Variants in CDK14 observed in about 807,000 individuals in gnomAD.
CDK14 encodes cyclin dependent kinase 14, also known as cyclin-dependent kinase 14.
Under a neutral mutation model 60.7 loss-of-function variants are expected in CDK14, and 34 were observed. The observed-to-expected ratio is 0.56, with a 90% CI of 0.43 to 0.75. The LOEUF is 0.75. Among genes scored for constraint, CDK14 ranks in the 30% least tolerant of loss-of-function variants. The pLI is 0.00. For missense variants in CDK14, 482 were observed against 564.1 expected (o/e 0.85, Z 1.47); for synonymous variants, 197 against 203.7 (o/e 0.97, Z 0.28).
intron 8 of CDK14, among the ~76,000 whole-genome samples, chr7:90,936,169 TA>T (rs375053254): frequency 3.3e-5 from 5 of 152,114 alleles, no homozygotes; most frequent in Non-Finnish European, 5.9e-5. Context: ...TTTTCTGTTT[TA>T]AAAAAAAGTT....
intron 9 of CDK14, chr7:90,979,864 T>C (rs1386162629): frequency 6.6e-6 from 1 of 152,214 alleles, no homozygotes; most frequent in Non-Finnish European, 1.5e-5. Context: ...TACTTTGTTT[T>C]CCTGAATGTC....
chr7:90,599,681 C>T (rs1196512367), intron 1 of CDK14, among the ~76,000 whole-genome samples: 2 of 152,160 alleles, frequency 1.3e-5, no homozygotes, highest in African/African-American at 2.4e-5. Flanking sequence ...ATGGTTTATT[C>T]TTGTTGAATA....
chr7:90,647,487 A>G (rs1800493761), intron 2 of CDK14, among the ~76,000 whole-genome samples: 1 of 145,382 alleles, frequency 6.9e-6, no homozygotes. Context: ...CTCTAAAGAG[A>G]CTGGTTAGTT....
chr7:91,180,401 C>T lies in CDK14; in HGVS notation c.*29-26764C>T, dbSNP rs148078979. On this transcript the variant is annotated intron_variant, in intron 14 of 14. Coordinates refer to ENST00000380050, the MANE Select transcript of CDK14 (RefSeq NM_001287135.2). ...ATGCTTAAATATGCTCTATGCCTATCATTAACTCAAAAAAGCAGGTTGCAA... is the reference window on the plus strand; with the variant it reads ...ATGCTTAAATATGCTCTATGCCTATTATTAACTCAAAAAAGCAGGTTGCAA... Among the ~76,000 whole-genome samples the T allele has an allele frequency of 5.0e-3, 757 of 152,270 alleles. 7 individuals are homozygous for T. Among genetic ancestry groups the T allele is most frequent in the Middle Eastern group, 0.017 (5 of 294 alleles).
chr7:91,123,708 C>CCTTCTCTG (rs963116945), intron 14 of CDK14, among the ~76,000 whole-genome samples: 1 of 152,006 alleles, frequency 6.6e-6, no homozygotes, highest in African/African-American at 2.4e-5. Context: ...CCTCCTTGTC[C>CCTTCTCTG]CTTCTCTGCC....
intron 2 of CDK14, among the ~76,000 whole-genome samples, chr7:90,690,006 A>G (rs1304766086): frequency 6.6e-6 from 1 of 152,132 alleles, no homozygotes. Flanking sequence ...AAGACTAACT[A>G]CTATATTGAT....
chr7:90,714,827 C>T (rs1050466614), intron 2 of CDK14, among the ~76,000 whole-genome samples: 47 of 152,098 alleles, frequency 3.1e-4, no homozygotes, highest in African/African-American at 1.1e-3. Context: ...ATTATCCAAG[C>T]ACTAATAATA....
intron 6 of CDK14, among the ~76,000 whole-genome samples, chr7:90,894,446 A>G (rs1171127867): frequency 6.6e-6 from 1 of 152,212 alleles, no homozygotes; most frequent in Non-Finnish European, 1.5e-5. Context: ...CATCTAAAAA[A>G]TAACCTAAAA....
intron 10 of CDK14, among the ~76,000 whole-genome samples, chr7:90,995,792 G>GAATGACTTAT (rs894983059): frequency 5.9e-5 from 9 of 151,974 alleles, no homozygotes; most frequent in Non-Finnish European, 1.0e-4. Context: ...GTATGTCTTA[G>GAATGACTTAT]AGTTATTTGT....
At chr7:90,700,328 G>T (rs1291453450) in intron 2 of CDK14, among the ~76,000 whole-genome samples, 1 of 152,162 alleles carries the variant, frequency 6.6e-6, no homozygotes, top group Admixed American at 6.5e-5. Context: ...TCTTGACCTC[G>T]CAGTCCGGCC....
intron 8 of CDK14, among the ~76,000 whole-genome samples, chr7:90,941,324 C>G (rs1312980892): frequency 6.6e-6 from 1 of 152,202 alleles, no homozygotes; most frequent in South Asian, 2.1e-4. Context: ...CAGGCCCACC[C>G]TGTCTCAAAA....
At chr7:90,962,203 G>A (rs201454839) in intron 9 of CDK14, among the ~76,000 whole-genome samples, 17 of 143,244 alleles carry the variant, frequency 1.2e-4, no homozygotes, top group African/African-American at 4.1e-4. Context: ...AATCTAGTGT[G>A]GGGCTGGGCA....
rs1170498825 is a variant in CDK14 at position 91,060,257 on chromosome 7, A to G, written c.1105+14297A>G. On this transcript the variant is annotated intron_variant, in intron 11 of 14. Transcript: ENST00000380050. ...TTTTTTTTTTCCATTTGCTTGGTAG[A>G]TCTTCCTCTATCCCTTTATTTTGAG... Among the ~76,000 whole-genome samples, 3 of 147,020 alleles carry G rather than the reference A, an allele frequency of 2.0e-5. No individual in the cohort carries two copies. In the East Asian group the frequency reaches 5.9e-4, roughly 29 times the overall value.
At chr7:90,662,210 A>G (rs375088146) in intron 2 of CDK14, among the ~76,000 whole-genome samples, 7 of 152,324 alleles carry the variant, frequency 4.6e-5, no homozygotes, top group African/African-American at 1.7e-4. Flanking sequence ...ACTGAAAGAA[A>G]TTCTGGTATC....
intron 10 of CDK14, among the ~76,000 whole-genome samples, chr7:90,988,784 A>G (rs1048639255): frequency 3.9e-5 from 6 of 152,162 alleles, no homozygotes; most frequent in Admixed American, 3.9e-4. Flanking sequence ...AGGAGCTGGA[A>G]TGATTCTGTT....
At chr7:90,951,698 G>A (rs781319755) in intron 8 of CDK14, among the ~76,000 whole-genome samples, 1 of 152,196 alleles carries the variant, frequency 6.6e-6, no homozygotes, top group Non-Finnish European at 1.5e-5. Context: ...GTTTACATCT[G>A]TGTACAGCTA....
intron 8 of CDK14, among the ~76,000 whole-genome samples, chr7:90,953,194 A>G (rs139477723): frequency 4.5e-5 from 2 of 44,882 alleles, no homozygotes; most frequent in Admixed American, 2.1e-4. Context: ...AAATTGTTTT[A>G]ATTGACTGTG....
At chr7:90,627,355 G>A (rs528241505) in intron 2 of CDK14, among the ~76,000 whole-genome samples, 7 of 152,052 alleles carry the variant, frequency 4.6e-5, no homozygotes, top group East Asian at 1.9e-4. Context: ...GATTACAGGC[G>A]CATGCCACCA....
At chr7:91,129,584 A>C (rs1205544287) in intron 14 of CDK14, among the ~76,000 whole-genome samples, 4 of 152,182 alleles carry the variant, frequency 2.6e-5, no homozygotes, top group Non-Finnish European at 5.9e-5. Context: ...TTTTACTTGA[A>C]AGAATGACTG....
Sources: gnomAD v4.1 joint callset for allele counts (sites outside exome capture counted in the v4.1 genomes callset) on GRCh38, gnomAD v4.1.1 for gene constraint, MANE v1.5 for transcripts, NCBI Gene and HGNC (gene_info 2026-07-23, HGNC 2026-07-21) for gene names.